RBFOX1: variants seen among roughly 807,000 people sequenced by gnomAD.
The protein encoded by RBFOX1 is RNA binding protein fox-1 homolog 1.
A neutral mutation model predicts 57.7 loss-of-function variants in RBFOX1; 8 were observed. The observed-to-expected ratio is 0.14, with a 90% CI of 0.08 to 0.25. The LOEUF (loss-of-function observed/expected upper bound fraction) is 0.25. Among genes scored for constraint, RBFOX1 ranks in the 10% least tolerant of loss-of-function variants. The pLI, the probability that RBFOX1 is intolerant of heterozygous loss-of-function variation, is 1.00. For missense variants in RBFOX1, 611 were observed against 548.5 expected (o/e 1.11, Z -1.14); for synonymous variants, 326 against 222.4 (o/e 1.47, Z -4.15).
At chr16:6,838,593 G>C (rs1028274527) in intron 3 of RBFOX1, among the ~76,000 whole-genome samples, 4 of 152,126 alleles carry the variant, frequency 2.6e-5, no homozygotes, top group African/African-American at 9.7e-5. Flanking sequence ...CTGCCCCTCT[G>C]CTGCTGCTGT....
intron 1 of RBFOX1, among the ~76,000 whole-genome samples, chr16:5,391,467 C>G (rs562030525): frequency 6.6e-6 from 1 of 152,270 alleles, no homozygotes; most frequent in East Asian, 1.9e-4. Flanking sequence ...TGTAAGGTCC[C>G]TTGGGACTCC....
intron 4 of RBFOX1, among the ~76,000 whole-genome samples, chr16:7,093,035 G>A (rs369862223): frequency 6.6e-6 from 1 of 152,170 alleles, no homozygotes; most frequent in African/African-American, 2.4e-5. Flanking sequence ...AGAAATTTTC[G>A]TTTTTTATTC....
chr16:7,296,707 T>C lies in RBFOX1; in HGVS notation c.28-221440T>C, dbSNP rs1484887777. 4.9e-4 allele frequency among the ~76,000 whole-genome samples: 75 copies of C among 152,306 alleles called. 1 individual carries two copies. Among genetic ancestry groups the C allele is most frequent in the South Asian group, 2.1e-4 (1 of 4,826 alleles). ...TCCCTAGCCTGTCCCTGGCCATGGATGTGGGCCATGCAACCGTTTTCAGAG... is the reference window on the plus strand; with the variant it reads ...TCCCTAGCCTGTCCCTGGCCATGGACGTGGGCCATGCAACCGTTTTCAGAG... On this transcript the variant is annotated intron_variant, in intron 4 of 15. Coordinates refer to ENST00000550418, the MANE Select transcript of RBFOX1 (RefSeq NM_018723.4).
At chr16:7,252,938 A>G (rs1181221903) in intron 4 of RBFOX1, among the ~76,000 whole-genome samples, 1 of 152,182 alleles carries the variant, frequency 6.6e-6, no homozygotes, top group Non-Finnish European at 1.5e-5. Flanking sequence ...GTAATCACAC[A>G]CATTTTGTAA....
intron 2 of RBFOX1, among the ~76,000 whole-genome samples, chr16:5,532,413 T>C (rs1028237390): frequency 6.6e-6 from 1 of 152,218 alleles, no homozygotes; most frequent in Non-Finnish European, 1.5e-5. Context: ...TTCTTAGAGA[T>C]GCAGAATCTC....
intron 4 of RBFOX1, among the ~76,000 whole-genome samples, chr16:7,162,899 CA>C (rs1337714581): frequency 1.3e-5 from 2 of 152,140 alleles, no homozygotes; most frequent in South Asian, 4.1e-4. Context: ...CTTCCAAATG[CA>C]TGTTGAAATG....
At chr16:7,651,232 C>T (rs2064994784) in intron 11 of RBFOX1, among the ~76,000 whole-genome samples, 1 of 152,136 alleles carries the variant, frequency 6.6e-6, no homozygotes, top group Non-Finnish European at 1.5e-5. Flanking sequence ...ACACAGAATT[C>T]CAGATAATAG....
chr16:5,737,062 G>C (rs1350614799), intron 3 of RBFOX1, among the ~76,000 whole-genome samples: 1 of 152,030 alleles, frequency 6.6e-6, no homozygotes, highest in Non-Finnish European at 1.5e-5. Flanking sequence ...TGAGTGAGGG[G>C]TACTGAGAGT....
chr16:7,146,708 C>G (rs1489191934), intron 4 of RBFOX1, among the ~76,000 whole-genome samples: 1 of 151,738 alleles, frequency 6.6e-6, no homozygotes, highest in African/African-American at 2.4e-5. Context: ...TGGCAGTTTG[C>G]GAGGCTGAGG....
chr16:7,632,834 G>C (rs1350531693), intron 11 of RBFOX1, among the ~76,000 whole-genome samples: 1 of 152,216 alleles, frequency 6.6e-6, no homozygotes, highest in Non-Finnish European at 1.5e-5. Context: ...ATATTGGACA[G>C]TATGGCTCTA....
At chr16:6,226,374 C>CAAAAAAAAAAAAAAAAAAACAAAAAA (rs368116983) in intron 1 of RBFOX1, among the ~76,000 whole-genome samples, 1 of 86,566 alleles carries the variant, frequency 1.2e-5, no homozygotes, top group Non-Finnish European at 2.0e-5. Flanking sequence ...ACTCTGTCTC[C>CAAAAAAAAAAAAAAAAAAACAAAAAA]AAAAAAAAAA....
intron 4 of RBFOX1, among the ~76,000 whole-genome samples, chr16:5,913,898 C>G (rs760430930): frequency 6.6e-6 from 1 of 152,252 alleles, no homozygotes; most frequent in Non-Finnish European, 1.5e-5. Context: ...TTTCTTTACA[C>G]CAACGCTAAG....
At chr16:6,240,556 T>A (rs2097534875) in intron 1 of RBFOX1, among the ~76,000 whole-genome samples, 1 of 152,130 alleles carries the variant, frequency 6.6e-6, no homozygotes, top group African/African-American at 2.4e-5. Flanking sequence ...CATCATCTTA[T>A]ACTTTGTCTG....
chr16:7,062,533 G>C (rs1014972207), intron 4 of RBFOX1, among the ~76,000 whole-genome samples: 1 of 152,040 alleles, frequency 6.6e-6, no homozygotes, highest in Non-Finnish European at 1.5e-5. Context: ...ATGGTAGCTA[G>C]TACTTTATTA....
intron 3 of RBFOX1, among the ~76,000 whole-genome samples, chr16:6,881,042 A>T (rs1474029351): frequency 6.6e-6 from 1 of 152,180 alleles, no homozygotes; most frequent in Non-Finnish European, 1.5e-5. Context: ...TTCCCCTCCT[A>T]TGCCTGTGGC....
chr16:7,091,912 GTTTAA>G (rs1350242108), intron 4 of RBFOX1, among the ~76,000 whole-genome samples: 1 of 152,184 alleles, frequency 6.6e-6, no homozygotes, highest in African/African-American at 2.4e-5. Flanking sequence ...CATCATGCCA[GTTTAA>G]TTTAAGGTCT....
chr16:5,770,217 C>A (rs570228962), intron 3 of RBFOX1, among the ~76,000 whole-genome samples: 18 of 151,558 alleles, frequency 1.2e-4, no homozygotes, highest in Non-Finnish European at 2.2e-4. Context: ...TTCAGAACAC[C>A]AGTCACAACC....
chr16:6,080,162 A>G (rs2095978483), intron 1 of RBFOX1, among the ~76,000 whole-genome samples: 1 of 152,056 alleles, frequency 6.6e-6, no homozygotes, highest in African/African-American at 2.4e-5. Flanking sequence ...GCAAGGAGAG[A>G]GCGTGGCAGG....
At chr16:5,695,303 A>G (rs745309971) in intron 3 of RBFOX1, among the ~76,000 whole-genome samples, 30 of 152,210 alleles carry the variant, frequency 2.0e-4, no homozygotes, top group Non-Finnish European at 4.3e-4. Context: ...CTCAATAATC[A>G]TTACATTTCT....
Sources: gnomAD v4.1 joint callset for allele counts (sites outside exome capture counted in the v4.1 genomes callset) on GRCh38, gnomAD v4.1.1 for gene constraint, MANE v1.5 for transcripts, NCBI Gene and HGNC (gene_info 2026-07-23, HGNC 2026-07-21) for gene names.